Variants in UBE2E2 observed in about 807,000 individuals in gnomAD.
UBE2E2 encodes the protein ubiquitin conjugating enzyme E2 E2, also known as ubiquitin-conjugating enzyme E2 E2.
UBE2E2 carries 6 observed loss-of-function variants against 24.7 expected under a neutral mutation model. That is an observed-to-expected ratio of 0.24 (90% CI 0.13 to 0.48). The LOEUF is 0.48. UBE2E2 is among the 20% of genes least tolerant of loss of function. UBE2E2 has a pLI of 0.99. For synonymous variants in UBE2E2, 104 were observed against 83.6 expected, an observed-to-expected ratio of 1.24 and a Z score of -1.33; for missense variants, 169 against 245.0, an observed-to-expected ratio of 0.69 and a Z score of 2.07.
intron 3 of UBE2E2, among the ~76,000 whole-genome samples, chr3:23,461,856 A>T (rs1460558601): frequency 6.6e-6 from 1 of 152,172 alleles, no homozygotes; most frequent in African/African-American, 2.4e-5. Context: ...AACTCAAACT[A>T]TTCCAATAAA....
At chr3:23,561,873 T>C (rs1242311444) in intron 5 of UBE2E2, among the ~76,000 whole-genome samples, 1 of 152,202 alleles carries the variant, frequency 6.6e-6, no homozygotes, top group Non-Finnish European at 1.5e-5. Context: ...GCTCTCTGTC[T>C]GTTATTGGTG....
chr3:23,229,377 T>C (rs1386079286), intron 3 of UBE2E2, among the ~76,000 whole-genome samples: 1 of 152,174 alleles, frequency 6.6e-6, no homozygotes, highest in Non-Finnish European at 1.5e-5. Flanking sequence ...TTGTGAGATT[T>C]TGGTGCACCC....
At chr3:23,516,563 A>C (rs999318912) in intron 4 of UBE2E2, among the ~76,000 whole-genome samples, 5 of 152,184 alleles carry the variant, frequency 3.3e-5, no homozygotes, top group African/African-American at 1.2e-4. Flanking sequence ...AGAAAATACT[A>C]TTCCTGCAGT....
intron 3 of UBE2E2, among the ~76,000 whole-genome samples, chr3:23,494,635 T>A (rs1433689435): frequency 6.6e-6 from 1 of 152,170 alleles, no homozygotes; most frequent in Admixed American, 6.5e-5. Flanking sequence ...CTGTAAGCTT[T>A]GGGATTTCAA....
intron 3 of UBE2E2, among the ~76,000 whole-genome samples, chr3:23,389,441 C>T (rs1405894435): frequency 6.6e-6 from 1 of 152,182 alleles, no homozygotes; most frequent in Non-Finnish European, 1.5e-5. Flanking sequence ...TCTGTACCGT[C>T]TTCCCTCCCA....
Position 23,269,875 on chromosome 3 carries a change from A to T in UBE2E2, c.227+52563A>T, listed in dbSNP as rs988382948. 2.0e-5 allele frequency among the ~76,000 whole-genome samples: 3 copies of T among 152,314 alleles called. No homozygotes were observed. The South Asian group carries it at 6.2e-4, about 32-fold the overall frequency. On this transcript the variant is annotated intron_variant, in intron 3 of 5. Coordinates refer to ENST00000396703, the MANE Select transcript of UBE2E2 (RefSeq NM_152653.4). Reference sequence around the variant, plus strand: ...AAGGGGAAAAATGTTTATTCTGTTTATAAGGGAATAACATGTTTCTCAGCC... The same window carrying T: ...AAGGGGAAAAATGTTTATTCTGTTTTTAAGGGAATAACATGTTTCTCAGCC...
intron 3 of UBE2E2, among the ~76,000 whole-genome samples, chr3:23,384,523 A>T (rs904984120): frequency 2.0e-5 from 3 of 151,792 alleles, no homozygotes; most frequent in African/African-American, 7.3e-5. Flanking sequence ...TGCTCTTTGG[A>T]CATTTGATGT....
intron 2 of UBE2E2, among the ~76,000 whole-genome samples, chr3:23,209,389 G>A (rs1195041491): frequency 1.3e-5 from 2 of 152,176 alleles, no homozygotes; most frequent in African/African-American, 4.8e-5. Flanking sequence ...CTAGAGAATA[G>A]ATGGATCTGG....
intron 5 of UBE2E2, among the ~76,000 whole-genome samples, chr3:23,545,601 C>T (rs1157530473): frequency 6.6e-6 from 1 of 152,118 alleles, no homozygotes; most frequent in African/African-American, 2.4e-5. Context: ...GACACAGTAA[C>T]AATCTGATCT....
At chr3:23,298,186 G>A (rs1490697429) in intron 3 of UBE2E2, among the ~76,000 whole-genome samples, 5 of 152,120 alleles carry the variant, frequency 3.3e-5, no homozygotes, top group Non-Finnish European at 2.9e-5. Context: ...GGAGATTTTG[G>A]GCTGAGACAG....
chr3:23,220,087 A>T lies in UBE2E2; in HGVS notation c.227+2775A>T, dbSNP rs1438510425. Among the ~76,000 whole-genome samples the T allele has an allele frequency of 1.3e-5, 2 of 152,180 alleles. 1 individual carries two copies. Among genetic ancestry groups the T allele is most frequent in the Admixed American group, 1.3e-4 (2 of 15,256 alleles). On this transcript the variant is annotated intron_variant, in intron 3 of 5. Transcript: ENST00000396703. ...AAATCTGTTATTTAAAGAAGTTGAG[A>T]CTATCAAGTCACCCCGAATCACAGC... is the stretch of plus-strand genomic sequence containing the variant.
intron 3 of UBE2E2, among the ~76,000 whole-genome samples, chr3:23,279,044 G>A (rs1020808005): frequency 2.0e-5 from 3 of 151,920 alleles, no homozygotes; most frequent in African/African-American, 4.8e-5. Flanking sequence ...TTGAGTCATC[G>A]TGTAATGTTT....
At chr3:23,560,197 C>T (rs1695887738) in intron 5 of UBE2E2, among the ~76,000 whole-genome samples, 1 of 151,360 alleles carries the variant, frequency 6.6e-6, no homozygotes, top group Non-Finnish European at 1.5e-5. Context: ...TCTCCGAATG[C>T]TATACCTCCC....
chr3:23,397,833 T>G (rs1417875046), intron 3 of UBE2E2, among the ~76,000 whole-genome samples: 1 of 152,208 alleles, frequency 6.6e-6, no homozygotes. Flanking sequence ...GCCTGTTTCT[T>G]TTTTCATTCT....
intron 3 of UBE2E2, among the ~76,000 whole-genome samples, chr3:23,228,510 C>G (rs1696885834): frequency 6.6e-6 from 1 of 152,128 alleles, no homozygotes; most frequent in Non-Finnish European, 1.5e-5. Context: ...TGTATTCTTT[C>G]ATGTATCCAA....
chr3:23,369,580 A>C (rs1696346930), intron 3 of UBE2E2, among the ~76,000 whole-genome samples: 1 of 152,190 alleles, frequency 6.6e-6, no homozygotes, highest in African/African-American at 2.4e-5. Context: ...CAGAACTACC[A>C]AACCTGCTGA....
intron 3 of UBE2E2, among the ~76,000 whole-genome samples, chr3:23,481,538 T>G (rs1699260158): frequency 6.6e-6 from 1 of 152,210 alleles, no homozygotes. Flanking sequence ...CAGTCACAAT[T>G]AAAGCTCCCC....
chr3:23,355,681 A>C (rs1042131424), intron 3 of UBE2E2, among the ~76,000 whole-genome samples: 1 of 152,164 alleles, frequency 6.6e-6, no homozygotes, highest in Non-Finnish European at 1.5e-5. Flanking sequence ...GTGCTGGAAA[A>C]GTTTAAATTA....
intron 3 of UBE2E2, among the ~76,000 whole-genome samples, chr3:23,308,235 G>A (rs1699286399): frequency 6.6e-6 from 1 of 152,170 alleles, no homozygotes; most frequent in South Asian, 2.1e-4. Context: ...TGAAATATGT[G>A]TAGTAACTAG....
Sources: gnomAD v4.1 joint callset for allele counts (sites outside exome capture counted in the v4.1 genomes callset) on GRCh38, gnomAD v4.1.1 for gene constraint, MANE v1.5 for transcripts, NCBI Gene and HGNC (gene_info 2026-07-23, HGNC 2026-07-21) for gene names.